The following RASGEF1C variants were observed in gnomAD, a reference collection of about 807,000 sequenced individuals.
The protein encoded by RASGEF1C is RasGEF domain family member 1C.
A neutral mutation model predicts 58.1 loss-of-function variants in RASGEF1C; 27 were observed. The ratio of observed to expected loss-of-function variants is 0.46; its 90% confidence interval spans 0.34 to 0.64. The LOEUF is 0.64. Ranked by LOEUF, RASGEF1C falls within the 30% of genes least tolerant of loss-of-function variation. The pLI is 0.01. For missense variants in RASGEF1C, 502 were observed against 605.1 expected (o/e 0.83, Z 1.79); for synonymous variants, 243 against 246.3 (o/e 0.99, Z 0.13).
chr5:180,118,372 C>T (rs1766105984), intron 10 of RASGEF1C, among the ~76,000 whole-genome samples: 1 of 152,324 alleles, frequency 6.6e-6, no homozygotes, highest in Middle Eastern at 3.4e-3. Context: ...AAGGATGACC[C>T]CAGGCAGCCC....
rs146003349 is a variant in RASGEF1C, at chr5:180,143,381, C to T, written c.-6-5323G>A. Among the ~76,000 whole-genome samples, 40 of 152,282 alleles carry T rather than the reference C, an allele frequency of 2.6e-4. No individual in the cohort carries two copies. Among genetic ancestry groups the T allele is most frequent in the Non-Finnish European group, 4.7e-4 (32 of 68,020 alleles). ...GCAGGGACAGGGGCACCATGTGGTGCGTTTATAAGGAAGGCCAGCCCTGAA... is the reference window on the plus strand; with the variant it reads ...GCAGGGACAGGGGCACCATGTGGTGTGTTTATAAGGAAGGCCAGCCCTGAA... On this transcript the variant is annotated intron_variant, in intron 1 of 13. Coordinates refer to ENST00000361132, the MANE Select transcript of RASGEF1C (RefSeq NM_175062.4). This position sits in a 1 kb window ranked among gnomAD's most constrained non-coding sequence, Gnocchi z 4.3.
At chr5:180,169,614 G>T (rs1767071816) in intron 1 of RASGEF1C, among the ~76,000 whole-genome samples, 1 of 150,226 alleles carries the variant, frequency 6.7e-6, no homozygotes, top group Admixed American at 6.6e-5. Context: ...AGGGGGGCGG[G>T]CTCCTCACTG....
At chr5:180,183,471 C>G (rs1023687512) in intron 1 of RASGEF1C, among the ~76,000 whole-genome samples, 1 of 130,278 alleles carries the variant, frequency 7.7e-6, no homozygotes, top group Non-Finnish European at 1.6e-5. Context: ...AAAAAAAAAC[C>G]CAATTAATTC....
Position 180,121,158 on chromosome 5 carries a change from A to G in RASGEF1C, c.715-9T>C. ...TTGTCACTGAAGCAGGGCTAGAACA[A>G]ACACAGCACACGGGACCACGTTCTG... On this transcript the variant is annotated splice_polypyrimidine_tract_variant and intron_variant, in intron 6 of 13. Coordinates refer to ENST00000361132, the MANE Select transcript of RASGEF1C (RefSeq NM_175062.4). The G allele has an allele frequency of 6.2e-7, 1 of 1,604,724 alleles. No homozygotes were observed. The highest frequency in any genetic ancestry group is 8.5e-7 in the Non-Finnish European group (1 of 1,171,446).
At chr5:180,173,781 T>C (rs111660161) in intron 1 of RASGEF1C, among the ~76,000 whole-genome samples, 1,719 of 152,032 alleles carry the variant, frequency 0.011, 15 homozygotes, top group Middle Eastern at 0.038. Context: ...GGCGTGGTGG[T>C]GGGCGCCTGT....
intron 1 of RASGEF1C, among the ~76,000 whole-genome samples, chr5:180,201,661 T>A (rs1756397604): frequency 6.6e-6 from 1 of 152,214 alleles, no homozygotes; most frequent in South Asian, 2.1e-4. Flanking sequence ...AATGCTATGG[T>A]CTGGAAGTTT....
chr5:180,173,472 T>C (rs545190665), intron 1 of RASGEF1C, among the ~76,000 whole-genome samples: 2 of 152,298 alleles, frequency 1.3e-5, no homozygotes, highest in Non-Finnish European at 2.9e-5. Flanking sequence ...GAAGCAGCTA[T>C]GTGGACGTCA....
At chr5:180,136,889 G>T (rs566337127) in intron 3 of RASGEF1C, 4 of 229,334 alleles carry the variant, frequency 1.7e-5, no homozygotes, top group Non-Finnish European at 2.5e-5. Context: ...TGGCTCACAG[G>T]TGGCCACGTG....
At chr5:180,113,505 C>T (rs1359067139) in intron 11 of RASGEF1C, among the ~76,000 whole-genome samples, 3 of 58,684 alleles carry the variant, frequency 5.1e-5, no homozygotes, top group African/African-American at 6.4e-5. Context: ...CGGGGATGGA[C>T]GGAGGGATCG....
Position 180,155,307 on chromosome 5 carries a change from C to T in RASGEF1C, c.-6-17249G>A, listed in dbSNP as rs1045304068. On this transcript the variant is annotated intron_variant, in intron 1 of 13. Coordinates refer to ENST00000361132, the MANE Select transcript of RASGEF1C (RefSeq NM_175062.4). This position sits in a 1 kb window ranked among gnomAD's most constrained non-coding sequence, Gnocchi z 5.2. Reference sequence around the variant, plus strand: ...CTTGGAAGAGCCTGGAGCCTGGACACACATTTCATTTCCATTTGGGTCCCA... The same window carrying T: ...CTTGGAAGAGCCTGGAGCCTGGACATACATTTCATTTCCATTTGGGTCCCA... Among the ~76,000 whole-genome samples, 7 of 152,146 alleles carry T rather than the reference C, an allele frequency of 4.6e-5. No homozygotes were observed. The highest frequency in any genetic ancestry group is 1.4e-4 in the African/African-American group (6 of 41,416).
chr5:180,147,880 G>A (rs10794703), intron 1 of RASGEF1C, among the ~76,000 whole-genome samples: 88,314 of 151,902 alleles, frequency 0.58, 26,224 homozygotes, highest in East Asian at 0.75. Context: ...ATCCATTATT[G>A]AGAGTGAGGT....
intron 1 of RASGEF1C, among the ~76,000 whole-genome samples, chr5:180,205,573 G>GC (rs1756473175): frequency 6.6e-6 from 1 of 152,124 alleles, no homozygotes; most frequent in South Asian, 2.1e-4. Context: ...GCAACGTGCT[G>GC]CAACAGCCAG....
chr5:180,139,220 C>T (rs1308851370), intron 1 of RASGEF1C, among the ~76,000 whole-genome samples: 1 of 152,174 alleles, frequency 6.6e-6, no homozygotes, highest in African/African-American at 2.4e-5. Flanking sequence ...TCCTTGAAAG[C>T]CCAGGAGCCC....
intron 1 of RASGEF1C, among the ~76,000 whole-genome samples, chr5:180,173,290 C>T (rs748930943): frequency 4.6e-5 from 7 of 152,232 alleles, no homozygotes; most frequent in Non-Finnish European, 7.3e-5. Flanking sequence ...GGCTGCCCCT[C>T]GACCTGGGGA....
intron 10 of RASGEF1C, among the ~76,000 whole-genome samples, chr5:180,115,875 A>G (rs1582263405): frequency 2.9e-5 from 4 of 137,576 alleles, no homozygotes; most frequent in Admixed American, 7.1e-5. Context: ...GTGGGGGGGG[A>G]TTGTGGGGGT....
chr5:180,135,634 G>C (rs543697029), intron 4 of RASGEF1C, among the ~76,000 whole-genome samples: 1 of 152,346 alleles, frequency 6.6e-6, no homozygotes, highest in South Asian at 2.1e-4. Context: ...CATAAGGGAA[G>C]TGAGGCTTGG....
At chr5:180,182,224 AAAAAAAAG>A (rs1392718721) in intron 1 of RASGEF1C, among the ~76,000 whole-genome samples, 16 of 148,896 alleles carry the variant, frequency 1.1e-4, no homozygotes, top group East Asian at 4.0e-4. Context: ...AAAAAAAAAA[AAAAAAAAG>A]AATGAAGCCA....
intron 5 of RASGEF1C, 24 bp downstream of exon 5, chr5:180,128,386 G>A (rs767448978): frequency 1.2e-6 from 2 of 1,602,300 alleles, no homozygotes; most frequent in South Asian, 1.1e-5. Context: ...TCCCGGGTGA[G>A]GAAGGTGGTT....
Position 180,196,639 on chromosome 5 carries a change from G to A in RASGEF1C, c.-7+12389C>T, listed in dbSNP as rs1409749019. Among the ~76,000 whole-genome samples, 14 of 152,238 alleles carry A rather than the reference G, an allele frequency of 9.2e-5. No individual in the cohort carries two copies. The East Asian group carries it at 1.3e-3, about 15-fold the overall frequency. ...AAGTATATCAAATGTATTGGTACGAGGTTCTTCATAAAAATCCCTTGCTAT... is the reference window on the plus strand; with the variant it reads ...AAGTATATCAAATGTATTGGTACGAAGTTCTTCATAAAAATCCCTTGCTAT... On this transcript the variant is annotated intron_variant, in intron 1 of 13. Coordinates refer to ENST00000361132, the MANE Select transcript of RASGEF1C (RefSeq NM_175062.4).
Sources: allele counts gnomAD v4.1 joint callset (sites outside exome capture counted in the v4.1 genomes callset), GRCh38; gene constraint gnomAD v4.1.1; non-coding constraint Gnocchi (gnomAD v3.1); transcripts MANE v1.5; gene names NCBI Gene and HGNC (gene_info 2026-07-23, HGNC 2026-07-21).